The following CCDC85A variants were observed in gnomAD, a reference collection of about 807,000 sequenced individuals.
The protein encoded by CCDC85A is coiled-coil domain containing 85A.
CCDC85A carries 38 observed loss-of-function variants against 50.2 expected under a neutral mutation model. The ratio of observed to expected loss-of-function variants is 0.76; its 90% CI spans 0.58 to 0.99. The LOEUF (loss-of-function observed/expected upper bound fraction) is 0.99, where lower values mean the gene tolerates loss of function less well. CCDC85A is among the 50% of genes least tolerant of loss of function. The pLI, the probability that CCDC85A is intolerant of heterozygous loss-of-function variation, is 0.00. For missense variants in CCDC85A, 820 were observed against 742.0 expected (o/e 1.11, Z -1.22); for synonymous variants, 366 against 301.4 (o/e 1.21, Z -2.22).
chr2:56,319,320 C>G (rs910576761), intron 2 of CCDC85A, among the ~76,000 whole-genome samples: 14 of 152,014 alleles, frequency 9.2e-5, no homozygotes, highest in Non-Finnish European at 1.6e-4. Flanking sequence ...AGCCAGGATT[C>G]AAACCCAGGC....
intron 2 of CCDC85A, among the ~76,000 whole-genome samples, chr2:56,230,003 G>A (rs1408988897): frequency 6.6e-6 from 1 of 152,152 alleles, no homozygotes; most frequent in Non-Finnish European, 1.5e-5. Context: ...TGAGGTTGAT[G>A]CAAATATTAA....
At chr2:56,371,678 C>G (rs1676080179) in intron 3 of CCDC85A, among the ~76,000 whole-genome samples, 1 of 151,880 alleles carries the variant, frequency 6.6e-6, no homozygotes, top group African/African-American at 2.4e-5. Flanking sequence ...AAATTAAGGA[C>G]TTTTTTCTTT....
intron 2 of CCDC85A, among the ~76,000 whole-genome samples, chr2:56,236,282 G>T (rs1669012830): frequency 6.6e-6 from 1 of 152,198 alleles, no homozygotes; most frequent in Non-Finnish European, 1.5e-5. Flanking sequence ...GCTGCTCCCT[G>T]TGTTTGAGCA....
intron 2 of CCDC85A, among the ~76,000 whole-genome samples, chr2:56,245,454 A>G (rs1669458923): frequency 6.6e-6 from 1 of 152,214 alleles, no homozygotes; most frequent in Non-Finnish European, 1.5e-5. Context: ...GCAATTCAAG[A>G]CTATCTTTCC....
At chr2:56,348,732 C>G (rs192911216) in intron 3 of CCDC85A, among the ~76,000 whole-genome samples, 4 of 152,174 alleles carry the variant, frequency 2.6e-5, no homozygotes, top group Non-Finnish European at 4.4e-5. Context: ...CACCTCACCA[C>G]GGTGCTTATG....
Position 56,351,622 on chromosome 2 carries a change from A to C in CCDC85A, c.1317+8667A>C, listed in dbSNP as rs577560908. Among the ~76,000 whole-genome samples, 419 of 143,714 alleles carry C rather than the reference A, an allele frequency of 2.9e-3. 5 individuals carry two copies. The highest frequency in any genetic ancestry group is 9.5e-3 in the African/African-American group (355 of 37,262). 94.3% of individuals were successfully genotyped at this position (143,714 alleles called of 152,430 possible). On this transcript the variant is annotated intron_variant, in intron 3 of 5. Transcript: ENST00000407595. ...GGCCAGTGATGGTGAGCATTTTTTC[A>C]TGTGTTTTTTGGCTGCATAAATGTC...
At chr2:56,363,473 A>C (rs1028258081) in intron 3 of CCDC85A, among the ~76,000 whole-genome samples, 3 of 152,146 alleles carry the variant, frequency 2.0e-5, no homozygotes, top group Non-Finnish European at 4.4e-5. Context: ...TGTATCCTAG[A>C]TAGGTAGCTG....
rs920716901 is a variant in CCDC85A, at chr2:56,373,086, G to A, written c.1452+608G>A. The stretch of plus-strand genomic sequence containing the variant: ...TAGAAAACTAACCTTTTATTTTATA[G>A]TACTAAATGAGATATAGTAGAATGA... On this transcript the variant is annotated intron_variant, in intron 4 of 5. Transcript: ENST00000407595. Among the ~76,000 whole-genome samples, 7 of 152,114 alleles carry A rather than the reference G, an allele frequency of 4.6e-5. No individual in the cohort carries two copies. In the East Asian group the frequency reaches 1.3e-3, roughly 29 times the overall value.
intron 2 of CCDC85A, among the ~76,000 whole-genome samples, chr2:56,268,594 C>CAAA (rs59245276): frequency 7.8e-5 from 8 of 102,762 alleles, no homozygotes; most frequent in East Asian, 5.1e-4. Flanking sequence ...GATTCCGTCT[C>CAAA]AAAAAAAAAA....
At chr2:56,248,697 G>T (rs1469737166) in intron 2 of CCDC85A, among the ~76,000 whole-genome samples, 2 of 152,158 alleles carry the variant, frequency 1.3e-5, no homozygotes, top group Admixed American at 1.3e-4. Flanking sequence ...GGAGACAATA[G>T]TAAGTTCATT....
intron 3 of CCDC85A, among the ~76,000 whole-genome samples, chr2:56,371,174 G>C (rs17047854): frequency 6.6e-6 from 1 of 151,850 alleles, no homozygotes; most frequent in Admixed American, 6.6e-5. Context: ...TCTGTTATAC[G>C]TGAGAAGTAG....
At chr2:56,312,066 G>A (rs921170822) in intron 2 of CCDC85A, among the ~76,000 whole-genome samples, 2 of 152,140 alleles carry the variant, frequency 1.3e-5, no homozygotes, top group Admixed American at 6.6e-5. Flanking sequence ...GTGATATTGG[G>A]CATCTGCTTT....
intron 2 of CCDC85A, among the ~76,000 whole-genome samples, chr2:56,215,508 G>C (rs1242813051): frequency 6.6e-6 from 1 of 151,276 alleles, no homozygotes; most frequent in Non-Finnish European, 1.5e-5. Flanking sequence ...ACTGTTAAAT[G>C]TGATGTTAAC....
At chr2:56,273,236 C>A (rs77507507) in intron 2 of CCDC85A, among the ~76,000 whole-genome samples, 4,913 of 152,012 alleles carry the variant, frequency 0.032, 99 homozygotes, top group South Asian at 0.11. Flanking sequence ...AATATGAATT[C>A]TAGAAAGAGG....
intron 2 of CCDC85A, among the ~76,000 whole-genome samples, chr2:56,223,177 G>C (rs1668401094): frequency 6.6e-6 from 1 of 152,100 alleles, no homozygotes; most frequent in Non-Finnish European, 1.5e-5. Context: ...TTGAAGAGAA[G>C]AGTTTTCATT....
At chr2:56,216,302 G>A (rs937388359) in intron 2 of CCDC85A, among the ~76,000 whole-genome samples, 2 of 151,564 alleles carry the variant, frequency 1.3e-5, no homozygotes, top group South Asian at 2.1e-4. Context: ...CACATGTTCC[G>A]GAGTGGATAT....
chr2:56,260,356 G>A (rs79432306), intron 2 of CCDC85A, among the ~76,000 whole-genome samples: 13,564 of 152,172 alleles, frequency 0.089, 783 homozygotes, highest in South Asian at 0.12. Flanking sequence ...AATCTGACAG[G>A]GAACCACAAG....
chr2:56,301,625 A>G (rs753914053), intron 2 of CCDC85A, among the ~76,000 whole-genome samples: 1 of 152,240 alleles, frequency 6.6e-6, no homozygotes, highest in Non-Finnish European at 1.5e-5. Context: ...AGAATGCAGA[A>G]TCTGAAATTT....
At chr2:56,283,908 T>A (rs1335828348) in intron 2 of CCDC85A, among the ~76,000 whole-genome samples, 1 of 152,142 alleles carries the variant, frequency 6.6e-6, no homozygotes, top group East Asian at 1.9e-4. Flanking sequence ...TTTTCTTCTA[T>A]TTACTCTGGG....
Sources: allele counts gnomAD v4.1 joint callset (sites outside exome capture counted in the v4.1 genomes callset), GRCh38; gene constraint gnomAD v4.1.1; transcripts MANE v1.5; gene names NCBI Gene and HGNC (gene_info 2026-07-23, HGNC 2026-07-21).